The following CDYL2 variants were observed in gnomAD, a reference collection of about 807,000 sequenced individuals.
CDYL2 encodes the protein chromodomain Y-like protein 2.
Under a neutral mutation model 49.4 loss-of-function variants are expected in CDYL2, and 23 were observed. The ratio of observed to expected loss-of-function variants is 0.47; its 90% CI spans 0.34 to 0.66. The LOEUF (loss-of-function observed/expected upper bound fraction) is 0.66, where lower values mean the gene tolerates loss of function less well. Among genes scored for constraint, CDYL2 ranks in the 30% least tolerant of loss-of-function variants. The pLI is 0.01. For synonymous variants in CDYL2, 360 were observed against 268.8 expected (o/e 1.34, Z -3.32); for missense variants, 678 against 656.4 (o/e 1.03, Z -0.36).
At chr16:80,790,450 C>T (rs1026893953) in intron 1 of CDYL2, among the ~76,000 whole-genome samples, 1 of 152,160 alleles carries the variant, frequency 6.6e-6, no homozygotes, top group African/African-American at 2.4e-5. Flanking sequence ...TATATTTTTG[C>T]ATCCTAAAGG....
chr16:80,701,191 G>A (rs932047395), intron 1 of CDYL2, among the ~76,000 whole-genome samples: 32 of 152,280 alleles, frequency 2.1e-4, no homozygotes, highest in African/African-American at 7.5e-4. Context: ...CCTCTACATA[G>A]ATCAAGACAG....
intron 1 of CDYL2, among the ~76,000 whole-genome samples, chr16:80,764,927 GT>G (rs1906663896): frequency 1.3e-5 from 2 of 151,098 alleles, no homozygotes. Context: ...GGGTGCAGTG[GT>G]TGGCGCCTGT....
In CDYL2 at chr16:80,620,578, T is replaced by C. The variant is rs150688261; in HGVS notation, c.1007+185A>G. Among the ~76,000 whole-genome samples, 57 of 152,364 alleles carry C rather than the reference T, an allele frequency of 3.7e-4. 1 individual carries two copies. Among genetic ancestry groups the C allele is most frequent in the Middle Eastern group, 3.4e-3 (1 of 294 alleles). ...AAAATATAGGATGCCCAATTAAAATTTGAATTTCAGATAAATAACCAACAT... is the reference window on the plus strand; with the variant it reads ...AAAATATAGGATGCCCAATTAAAATCTGAATTTCAGATAAATAACCAACAT... On this transcript the variant is annotated intron_variant, in intron 4 of 6. Transcript: ENST00000570137.
At chr16:80,684,498 A>C in intron 2 of CDYL2, 40 bp downstream of exon 2, 1 of 1,575,762 alleles carries the variant, frequency 6.3e-7, no homozygotes, top group Non-Finnish European at 8.6e-7. Context: ...CCCTTTCGCC[A>C]TGGCCAGAGC....
In CDYL2 at chr16:80,604,668, C is replaced by T; in HGVS notation, c.1363-122G>A. The T allele has an allele frequency of 3.2e-6, 3 of 942,300 alleles. No individual in the cohort carries two copies. In the South Asian group the frequency reaches 4.5e-5, roughly 14 times the overall value. 58.4% of individuals were successfully genotyped at this position (942,300 alleles called of 1,614,324 possible). A position where few individuals can be genotyped will look rare whatever the true frequency, so the allele number is the denominator to read the frequency against. Reference sequence around the variant, plus strand: ...TCACAGCCAGAGAAGGCTGCCTCCTCCAGCCTGGGCCTTCCCAGTCCCATG... The same window carrying T: ...TCACAGCCAGAGAAGGCTGCCTCCTTCAGCCTGGGCCTTCCCAGTCCCATG... On this transcript the variant is annotated intron_variant, in intron 6 of 6. Coordinates refer to ENST00000570137, the MANE Select transcript of CDYL2 (RefSeq NM_152342.4).
chr16:80,711,054 C>G (rs1904578487), intron 1 of CDYL2, among the ~76,000 whole-genome samples: 1 of 152,202 alleles, frequency 6.6e-6, no homozygotes. Context: ...ACAATAGTCC[C>G]TTTGCAACTC....
intron 1 of CDYL2, among the ~76,000 whole-genome samples, chr16:80,743,917 T>C (rs1399393555): frequency 6.6e-6 from 1 of 152,112 alleles, no homozygotes; most frequent in African/African-American, 2.4e-5. Context: ...CACTTAGTGG[T>C]TGCGGTGGTG....
At chr16:80,750,898 C>CA (rs1445035662) in intron 1 of CDYL2, among the ~76,000 whole-genome samples, 3 of 152,086 alleles carry the variant, frequency 2.0e-5, no homozygotes, top group African/African-American at 7.2e-5. Flanking sequence ...CGGGGGCCTG[C>CA]ACTCCCAGCT....
intron 1 of CDYL2, among the ~76,000 whole-genome samples, chr16:80,735,514 G>C (rs1206236697): frequency 6.6e-6 from 1 of 152,158 alleles, no homozygotes; most frequent in East Asian, 1.9e-4. Context: ...GGCACTCACT[G>C]AATGTGAGTG....
intron 2 of CDYL2, among the ~76,000 whole-genome samples, chr16:80,645,745 T>A (rs373607475): frequency 2.0e-5 from 3 of 151,894 alleles, no homozygotes; most frequent in African/African-American, 7.3e-5. Context: ...CAAATGTCCA[T>A]CAATGATAGA....
At chr16:80,761,155 C>G (rs1906514610) in intron 1 of CDYL2, among the ~76,000 whole-genome samples, 1 of 152,138 alleles carries the variant, frequency 6.6e-6, no homozygotes, top group Non-Finnish European at 1.5e-5. Flanking sequence ...CAGGCCCCAC[C>G]AGGGACCTAC....
intron 4 of CDYL2, 61 bp downstream of exon 4, chr16:80,620,702 G>C: frequency 7.0e-7 from 1 of 1,425,004 alleles, no homozygotes; most frequent in African/African-American, 1.4e-5. Flanking sequence ...TGAGCAGCCT[G>C]TATTTTTACT....
chr16:80,782,347 C>T (rs954698854), intron 1 of CDYL2, among the ~76,000 whole-genome samples: 9 of 151,564 alleles, frequency 5.9e-5, no homozygotes, highest in Non-Finnish European at 1.2e-4. Context: ...AATCAGTAAT[C>T]AAAAGCCCCC....
At chr16:80,625,612 A>G (rs1313336701) in intron 3 of CDYL2, among the ~76,000 whole-genome samples, 2 of 152,208 alleles carry the variant, frequency 1.3e-5, no homozygotes, top group East Asian at 3.8e-4. Context: ...ACTACAACAA[A>G]AAGCTAAGCA....
intron 1 of CDYL2, among the ~76,000 whole-genome samples, chr16:80,802,431 A>G (rs1383292149): frequency 6.6e-6 from 1 of 152,208 alleles, no homozygotes; most frequent in Non-Finnish European, 1.5e-5. Context: ...CAAACCTTCT[A>G]TTTTACTGTG....
intron 2 of CDYL2, among the ~76,000 whole-genome samples, chr16:80,677,611 C>T (rs1473079259): frequency 4.6e-5 from 7 of 151,910 alleles, no homozygotes; most frequent in South Asian, 2.1e-4. Context: ...TGGTGGCAGG[C>T]GCCTGTAGTC....
rs376982366 is a variant in CDYL2 at position 80,768,129 on chromosome 16, T to C, written c.24+36021A>G. ...GTAACAAGAGAAACAGTTTGAACCCTAGCCTGATGACTTCACAGCCCATGT... is the reference window on the plus strand; with the variant it reads ...GTAACAAGAGAAACAGTTTGAACCCCAGCCTGATGACTTCACAGCCCATGT... On this transcript the variant is annotated intron_variant, in intron 1 of 6. Transcript: ENST00000570137. Among the ~76,000 whole-genome samples the C allele has an allele frequency of 4.4e-4, 67 of 152,308 alleles. No homozygotes were observed. The Middle Eastern group carries it at 0.01, about 23-fold the overall frequency.
intron 1 of CDYL2, among the ~76,000 whole-genome samples, chr16:80,756,884 CA>C (rs1241425956): frequency 1.3e-5 from 2 of 151,364 alleles, no homozygotes; most frequent in Non-Finnish European, 2.9e-5. Context: ...CACATGATTT[CA>C]TTAATTTTTC....
At chr16:80,786,680 T>C (rs963587533) in intron 1 of CDYL2, among the ~76,000 whole-genome samples, 1 of 152,058 alleles carries the variant, frequency 6.6e-6, no homozygotes, top group East Asian at 1.9e-4. Flanking sequence ...CAAATGTCCA[T>C]CAATGATAGA....
Sources: gnomAD v4.1 joint callset for allele counts (sites outside exome capture counted in the v4.1 genomes callset) on GRCh38, gnomAD v4.1.1 for gene constraint, MANE v1.5 for transcripts, NCBI Gene and HGNC (gene_info 2026-07-23, HGNC 2026-07-21) for gene names.